PDE4B: variants seen among roughly 807,000 people sequenced by gnomAD.
PDE4B encodes the protein 3',5'-cyclic-AMP phosphodiesterase 4B.
Under a neutral mutation model 82.2 loss-of-function variants are expected in PDE4B, and 20 were observed. The observed-to-expected ratio is 0.24, with a 90% CI of 0.17 to 0.35. The LOEUF (loss-of-function observed/expected upper bound fraction) is 0.35. Ranked by LOEUF, PDE4B falls within the 10% of genes least tolerant of loss-of-function variation. The pLI is 1.00. For synonymous variants in PDE4B, 320 were observed against 318.9 expected (o/e 1.00, Z -0.04); for missense variants, 655 against 907.2 (o/e 0.72, Z 3.57).
At chr1:65,948,063 T>TG (rs1208063311) in intron 3 of PDE4B, among the ~76,000 whole-genome samples, 1 of 150,836 alleles carries the variant, frequency 6.6e-6, no homozygotes, top group Non-Finnish European at 1.5e-5. Flanking sequence ...AGTGTCTTAC[T>TG]GGCATATCCA....
Position 66,345,802 on chromosome 1 carries a change from C to T in PDE4B, c.748-9725C>T, listed in dbSNP as rs75748411. On this transcript the variant is annotated intron_variant, in intron 8 of 16. Coordinates refer to ENST00000341517, the MANE Select transcript of PDE4B (RefSeq NM_002600.4). ...TTGCATGAGAAACCCTCATCTGGTT[C>T]CCAATGACCCCCAAAGTACCCTGAA... Among the ~76,000 whole-genome samples, 55 of 152,246 alleles carry T rather than the reference C, an allele frequency of 3.6e-4. 1 individual carries two copies. The East Asian group carries it at 7.5e-3, about 21-fold the overall frequency.
chr1:66,069,694 A>G (rs1423014755), intron 3 of PDE4B, among the ~76,000 whole-genome samples: 1 of 151,996 alleles, frequency 6.6e-6, no homozygotes. Context: ...TAATCTCTAA[A>G]ATGGAATATT....
At chr1:66,287,324 A>C (rs1489489982) in intron 7 of PDE4B, among the ~76,000 whole-genome samples, 1 of 152,176 alleles carries the variant, frequency 6.6e-6, no homozygotes, top group Non-Finnish European at 1.5e-5. Context: ...TTGCCTGTGT[A>C]TTAGGTGGAT....
chr1:65,994,514 T>TA (rs1263348180), intron 3 of PDE4B, among the ~76,000 whole-genome samples: 1 of 151,884 alleles, frequency 6.6e-6, no homozygotes, highest in Non-Finnish European at 1.5e-5. Context: ...TAACATTGTA[T>TA]AAAGGGAAGG....
chr1:65,822,258 A>G (rs1645961136), intron 1 of PDE4B, among the ~76,000 whole-genome samples: 1 of 152,180 alleles, frequency 6.6e-6, no homozygotes, highest in Admixed American at 6.5e-5. Context: ...ACTAATGACT[A>G]TAGCTCAATT....
At chr1:65,862,234 G>C (rs571023084) in intron 1 of PDE4B, among the ~76,000 whole-genome samples, 10 of 152,222 alleles carry the variant, frequency 6.6e-5, no homozygotes, top group African/African-American at 2.2e-4. Context: ...TCAATACCTA[G>C]TTTATAGAGA....
At chr1:65,851,328 A>G (rs1646330442) in intron 1 of PDE4B, among the ~76,000 whole-genome samples, 2 of 151,820 alleles carry the variant, frequency 1.3e-5, no homozygotes, top group African/African-American at 4.8e-5. Flanking sequence ...TTATATACAC[A>G]TTTTTTCTAT....
In PDE4B at chr1:66,257,821, A is replaced by T; in HGVS notation, c.542A>T (p.Asn181Ile). 6.2e-7 allele frequency: 1 copy of T among 1,613,518 alleles called. No individual in the cohort carries two copies. The highest frequency in any genetic ancestry group is 8.5e-7 in the Non-Finnish European group (1 of 1,179,518). The change falls in exon 6 of 17, where the codon AAC becomes ATC. Residue 181 changes from asparagine (N) to isoleucine (I), a missense_variant. This residue lies in a region of PDE4B where 253 missense variants were observed against 275.6 expected (regional missense o/e 0.92). Transcript: ENST00000341517. ...QVLASLRSVRNNFTILTNLHG... is the reference protein window; with the variant it reads ...QVLASLRSVRINFTILTNLHG... ...CTTGCCAGCTTGCGAAGTGTGAGAA[A>T]CAACTTCACTATACTGACAAACCTT...
intron 3 of PDE4B, among the ~76,000 whole-genome samples, chr1:66,210,162 G>A (rs1649908296): frequency 6.6e-6 from 1 of 152,126 alleles, no homozygotes; most frequent in Admixed American, 6.5e-5. Context: ...TAACGGCCGT[G>A]TGCACTGAGA....
At chr1:65,878,519 G>A (rs1220608771) in intron 1 of PDE4B, among the ~76,000 whole-genome samples, 1 of 152,164 alleles carries the variant, frequency 6.6e-6, no homozygotes, top group Admixed American at 6.6e-5. Flanking sequence ...AAGAAAATGT[G>A]GCACATATAC....
intron 2 of PDE4B, among the ~76,000 whole-genome samples, chr1:65,915,585 A>G (rs1190679307): frequency 2.0e-5 from 3 of 152,170 alleles, no homozygotes; most frequent in Non-Finnish European, 4.4e-5. Context: ...AACAGCAACA[A>G]AACCTTGACT....
At chr1:65,993,582 T>C (rs919696018) in intron 3 of PDE4B, among the ~76,000 whole-genome samples, 2 of 152,172 alleles carry the variant, frequency 1.3e-5, no homozygotes, top group Non-Finnish European at 2.9e-5. Flanking sequence ...ATGTATAAAG[T>C]CTAACTTAAT....
chr1:66,284,075 C>A (rs1450938248), intron 7 of PDE4B, among the ~76,000 whole-genome samples: 1 of 152,072 alleles, frequency 6.6e-6, no homozygotes, highest in Non-Finnish European at 1.5e-5. Flanking sequence ...GTGGGGCAGA[C>A]AAACATAACT....
intron 3 of PDE4B, among the ~76,000 whole-genome samples, chr1:66,206,585 G>C (rs1191786241): frequency 6.6e-6 from 1 of 152,152 alleles, no homozygotes; most frequent in Non-Finnish European, 1.5e-5. Flanking sequence ...GTAAAACGTG[G>C]ATCACATACT....
chr1:65,818,685 C>CACACATATATATATAT (rs141035147), intron 1 of PDE4B, among the ~76,000 whole-genome samples: 4 of 143,764 alleles, frequency 2.8e-5, no homozygotes, highest in African/African-American at 1.0e-4. Flanking sequence ...CACACACACA[C>CACACATATATATATAT]ATATATATAT....
intron 8 of PDE4B, among the ~76,000 whole-genome samples, chr1:66,342,405 C>T (rs1407768377): frequency 6.6e-6 from 1 of 151,736 alleles, no homozygotes; most frequent in African/African-American, 2.4e-5. Flanking sequence ...ATACAGAAAA[C>T]CTGAATTAAA....
chr1:66,218,644 C>T (rs906098611), intron 3 of PDE4B, among the ~76,000 whole-genome samples: 1 of 152,062 alleles, frequency 6.6e-6, no homozygotes, highest in African/African-American at 2.4e-5. Context: ...TTTCCATGAC[C>T]CCTCTGGGAC....
chr1:66,268,648 A>G (rs1488000608), intron 7 of PDE4B, among the ~76,000 whole-genome samples: 1 of 133,482 alleles, frequency 7.5e-6, no homozygotes, highest in East Asian at 2.3e-4. Context: ...AGCCCAGGTG[A>G]CAGAGCAAGA....
chr1:65,796,093 T>C (rs756241472), intron 1 of PDE4B, among the ~76,000 whole-genome samples: 1 of 152,226 alleles, frequency 6.6e-6, no homozygotes, highest in African/African-American at 2.4e-5. Flanking sequence ...GTTGTTTGAA[T>C]TGACGTTCCC....
Sources: allele counts gnomAD v4.1 joint callset (sites outside exome capture counted in the v4.1 genomes callset), GRCh38; gene constraint gnomAD v4.1.1; regional missense constraint gnomAD v4.1.1; transcripts MANE v1.5; gene names NCBI Gene and HGNC (gene_info 2026-07-23, HGNC 2026-07-21).